Variants in PARD3B observed in about 807,000 individuals in gnomAD.
PARD3B encodes partitioning defective 3 homolog B.
Under a neutral mutation model 130.2 loss-of-function variants are expected in PARD3B, and 103 were observed. That is an observed-to-expected ratio of 0.79 (90% CI 0.67 to 0.93). PARD3B has a LOEUF of 0.93. PARD3B is among the 40% of genes least tolerant of loss of function. The probability of loss-of-function intolerance (pLI) is 0.00; values close to 1 mark genes in which losing one functional copy is unlikely to be tolerated. For missense variants in PARD3B, 1,609 were observed against 1,499.2 expected, an observed-to-expected ratio of 1.07 and a Z score of -1.21; for synonymous variants, 583 against 553.2, an observed-to-expected ratio of 1.05 and a Z score of -0.76.
chr2:204,768,588 G>T (rs2041237751), intron 2 of PARD3B, among the ~76,000 whole-genome samples: 1 of 47,916 alleles, frequency 2.1e-5, no homozygotes, highest in Admixed American at 2.6e-4. Context: ...AAATTACCTT[G>T]GGCAGTATGG....
At chr2:205,112,169 A>G (rs1259683544) in intron 5 of PARD3B, among the ~76,000 whole-genome samples, 1 of 152,042 alleles carries the variant, frequency 6.6e-6, no homozygotes, top group Non-Finnish European at 1.5e-5. Context: ...CAAGTTTTAT[A>G]TATATCAGCA....
intron 2 of PARD3B, among the ~76,000 whole-genome samples, chr2:204,738,912 G>C (rs1474776597): frequency 6.6e-6 from 1 of 152,162 alleles, no homozygotes; most frequent in East Asian, 1.9e-4. Context: ...AAGGCCAACT[G>C]TATCATATAA....
chr2:204,981,161 G>A (rs1017720890), intron 3 of PARD3B, among the ~76,000 whole-genome samples: 12 of 152,122 alleles, frequency 7.9e-5, no homozygotes, highest in African/African-American at 2.9e-4. Context: ...AACTGTTTGA[G>A]TATCCACTGA....
intron 18 of PARD3B, among the ~76,000 whole-genome samples, chr2:205,318,967 T>C (rs2042653259): frequency 6.6e-6 from 1 of 152,112 alleles, no homozygotes; most frequent in African/African-American, 2.4e-5. Flanking sequence ...AAGAACCACA[T>C]CTTACCATTT....
At chr2:204,639,948 A>C (rs1012181505) in intron 1 of PARD3B, among the ~76,000 whole-genome samples, 2 of 152,100 alleles carry the variant, frequency 1.3e-5, no homozygotes. Context: ...TGTATCTTCT[A>C]CTTGCCCTTA....
chr2:204,548,508 A>G (rs1405274028), intron 1 of PARD3B, among the ~76,000 whole-genome samples: 1 of 152,234 alleles, frequency 6.6e-6, no homozygotes, highest in Non-Finnish European at 1.5e-5. Context: ...TTTAGAAACC[A>G]GGAACTGTGT....
chr2:205,134,852 T>A (rs2032335067), intron 10 of PARD3B, among the ~76,000 whole-genome samples: 1 of 151,708 alleles, frequency 6.6e-6, no homozygotes, highest in East Asian at 2.0e-4. Flanking sequence ...GGCTTCCAGG[T>A]GTCAGAATGT....
At chr2:204,792,371 C>T (rs2042230345) in intron 2 of PARD3B, among the ~76,000 whole-genome samples, 1 of 151,964 alleles carries the variant, frequency 6.6e-6, no homozygotes, top group Non-Finnish European at 1.5e-5. Context: ...AAGAATATAG[C>T]AATAATGGCT....
At chr2:205,586,225 A>C (rs568749725) in intron 22 of PARD3B, among the ~76,000 whole-genome samples, 1 of 152,308 alleles carries the variant, frequency 6.6e-6, no homozygotes, top group African/African-American at 2.4e-5. Context: ...TAAAAAGCCA[A>C]TTCTCAGTTC....
intron 15 of PARD3B, among the ~76,000 whole-genome samples, chr2:205,213,191 A>C (rs1449381886): frequency 6.6e-6 from 1 of 151,628 alleles, no homozygotes; most frequent in African/African-American, 2.4e-5. Flanking sequence ...GACCCATTCA[A>C]ATCTTGCCTT....
rs143044523 is a variant in PARD3B, at chr2:205,587,509, C to T, written c.3261-27947C>T. The stretch of plus-strand genomic sequence containing the variant: ...ATCAGAAATAGTTTATACTCTTTTC[C>T]AAATTCCTGACATGTAAGAAACGCA... On this transcript the variant is annotated intron_variant, in intron 22 of 22. Coordinates refer to ENST00000406610, the MANE Select transcript of PARD3B (RefSeq NM_001302769.2). Among the ~76,000 whole-genome samples, 11 of 152,182 alleles carry T rather than the reference C, an allele frequency of 7.2e-5. No homozygotes were observed. The East Asian group carries it at 1.5e-3, about 21-fold the overall frequency.
chr2:204,795,917 T>C (rs1219436537), intron 2 of PARD3B, among the ~76,000 whole-genome samples: 1 of 152,222 alleles, frequency 6.6e-6, no homozygotes, highest in African/African-American at 2.4e-5. Flanking sequence ...CATTTTTGTC[T>C]TGTTGGTCAG....
intron 16 of PARD3B, among the ~76,000 whole-genome samples, chr2:205,257,192 T>A (rs180846574): frequency 9.9e-5 from 15 of 152,242 alleles, no homozygotes; most frequent in African/African-American, 3.1e-4. Context: ...AAATAAGCAA[T>A]GCAGAATCAT....
chr2:205,557,416 T>C (rs12694027), intron 22 of PARD3B, among the ~76,000 whole-genome samples: 87,279 of 152,034 alleles, frequency 0.57, 25,640 homozygotes, highest in Middle Eastern at 0.78. Flanking sequence ...CTTTGCTTTA[T>C]GACCTTGAGG....
chr2:205,601,807 T>C (rs571828604), intron 22 of PARD3B, among the ~76,000 whole-genome samples: 19 of 145,762 alleles, frequency 1.3e-4, no homozygotes, highest in Admixed American at 4.0e-4. Flanking sequence ...AGATATAGAA[T>C]CATGTCATCT....
At chr2:204,693,848 A>G (rs1370089585) in intron 2 of PARD3B, among the ~76,000 whole-genome samples, 1 of 151,974 alleles carries the variant, frequency 6.6e-6, no homozygotes, top group Non-Finnish European at 1.5e-5. Context: ...TCGAAGATTC[A>G]GTTTATGTTG....
chr2:205,368,545 T>A (rs2044692197), intron 18 of PARD3B, among the ~76,000 whole-genome samples: 2 of 152,026 alleles, frequency 1.3e-5, no homozygotes, highest in African/African-American at 4.8e-5. Context: ...GGCATGAGAA[T>A]TGCTTGAACC....
chr2:205,299,707 C>T (rs1346571435), intron 16 of PARD3B, among the ~76,000 whole-genome samples: 3 of 152,052 alleles, frequency 2.0e-5, no homozygotes, highest in African/African-American at 4.8e-5. Context: ...CAAGGCAAAC[C>T]GCACAAATGA....
Position 204,907,628 on chromosome 2 carries a change from C to T in PARD3B, c.223-57524C>T, listed in dbSNP as rs972641229. Reference sequence around the variant, plus strand: ...AGTGTTTGGTCATAAAATTGTGTCTCTTTATAGATATTATAAGACTTTCTT... The same window carrying T: ...AGTGTTTGGTCATAAAATTGTGTCTTTTTATAGATATTATAAGACTTTCTT... On this transcript the variant is annotated intron_variant, in intron 2 of 22. Transcript: ENST00000406610. This position sits in a 1 kb window ranked among gnomAD's most constrained non-coding sequence, Gnocchi z 5.7. Among the ~76,000 whole-genome samples, 1 of 152,122 alleles carries T rather than the reference C, an allele frequency of 6.6e-6. No individual in the cohort carries two copies. The highest frequency in any genetic ancestry group is 6.5e-5 in the Admixed American group (1 of 15,270).
Sources: allele counts gnomAD v4.1 joint callset (sites outside exome capture counted in the v4.1 genomes callset), GRCh38; gene constraint gnomAD v4.1.1; non-coding constraint Gnocchi (gnomAD v3.1); transcripts MANE v1.5; gene names NCBI Gene and HGNC (gene_info 2026-07-23, HGNC 2026-07-21).